GINS1: variants seen among roughly 807,000 people sequenced by gnomAD.
GINS1 encodes the protein GINS complex subunit 1, also known as DNA replication complex GINS protein PSF1.
In GINS1, 26 loss-of-function variants were observed where a neutral mutation model predicts 34.9. The ratio of observed to expected loss-of-function variants is 0.74; its 90% confidence interval spans 0.55 to 1.03. The LOEUF is 1.03. GINS1 is among the 50% of genes least tolerant of loss of function. The probability of loss-of-function intolerance (pLI) is 0.00; values close to 1 mark genes in which losing one functional copy is unlikely to be tolerated. For synonymous variants in GINS1, 97 were observed against 84.4 expected (o/e 1.15, Z -0.82); for missense variants, 235 against 237.9 (o/e 0.99, Z 0.08).
At chr20:25,433,411 G>C (rs2090437995) in intron 5 of GINS1, among the ~76,000 whole-genome samples, 1 of 151,830 alleles carries the variant, frequency 6.6e-6, no homozygotes. Context: ...AAAGTAGTAT[G>C]GTATTTGAAT....
intron 2 of GINS1, among the ~76,000 whole-genome samples, chr20:25,416,445 G>C (rs1568798849): frequency 6.6e-6 from 1 of 152,122 alleles, no homozygotes; most frequent in Non-Finnish European, 1.5e-5. Context: ...ACAGTGCCTG[G>C]CATAGAGGCA....
At chr20:25,426,981 C>CCACG (rs2090394973) in intron 5 of GINS1, among the ~76,000 whole-genome samples, 2 of 152,114 alleles carry the variant, frequency 1.3e-5, no homozygotes, top group East Asian at 3.9e-4. Flanking sequence ...ATATAAATCT[C>CCACG]TTTGAGACTC....
At chr20:25,440,137 A>T (rs2090474634) in intron 5 of GINS1, among the ~76,000 whole-genome samples, 2 of 151,946 alleles carry the variant, frequency 1.3e-5, no homozygotes, top group Admixed American at 6.6e-5. Flanking sequence ...AGTAGCTGGG[A>T]TTACAGGCAC....
In GINS1 at chr20:25,429,230, T is replaced by A. The variant is rs542816406; in HGVS notation, c.447+3903T>A. The stretch of plus-strand genomic sequence containing the variant: ...GTCTCGAACTCCTGACCTCAGGTGA[T>A]CCGCCCACCTCAGCCTCCCAGAGTG... On this transcript the variant is annotated intron_variant, in intron 5 of 6. Coordinates refer to ENST00000262460, the MANE Select transcript of GINS1 (RefSeq NM_021067.5). 4.9e-4 allele frequency among the ~76,000 whole-genome samples: 74 copies of A among 152,258 alleles called. 1 individual carries two copies. The highest frequency in any genetic ancestry group is 1.7e-3 in the African/African-American group (70 of 41,558).
At chr20:25,413,334 C>G (rs2090298704) in intron 1 of GINS1, 1 of 152,714 alleles carries the variant, frequency 6.5e-6, no homozygotes, top group Non-Finnish European at 1.5e-5. Flanking sequence ...CAGGCATGAG[C>G]CACCACCCTT....
chr20:25,413,543 C>A, intron 1 of GINS1: 1 of 451,824 alleles, frequency 2.2e-6, no homozygotes, highest in Non-Finnish European at 3.9e-6. Flanking sequence ...CTGTGTGTAG[C>A]TTTTGAGGAA....
chr20:25,409,986 T>A (rs1271361328), intron 1 of GINS1, among the ~76,000 whole-genome samples: 1 of 152,186 alleles, frequency 6.6e-6, no homozygotes, highest in Non-Finnish European at 1.5e-5. Flanking sequence ...CTCTCTGTTT[T>A]ACTCAAATTT....
At position 25,441,722 on chromosome 20, in the gene GINS1, T is replaced by C. The variant is rs528270299; in HGVS notation, c.468T>C (p.Tyr156=). Residue 156 remains tyrosine, a synonymous_variant, in exon 6 of 7, where the codon TAT becomes TAC. Transcript: ENST00000262460. ...TTCAGGTCCGGTGTCTAAAAGACTA[T>C]GGAGAATTTGAAGTTGATGATGGCA... The part of the protein sequence containing the change: ...LYIEVRCLKD[Y]GEFEVDDGTS... 1.3e-6 allele frequency: 2 copies of C among 1,563,468 alleles called. No homozygotes were observed. Among genetic ancestry groups the C allele is most frequent in the Non-Finnish European group, 1.8e-6 (2 of 1,142,342 alleles).
intron 6 of GINS1, among the ~76,000 whole-genome samples, chr20:25,442,673 T>C (rs986898639): frequency 2.0e-5 from 3 of 150,182 alleles, no homozygotes; most frequent in Non-Finnish European, 4.4e-5. Flanking sequence ...AGTGGCGGGA[T>C]CTCCACTCAT....
At position 25,447,541 on chromosome 20, in the gene GINS1, G is replaced by C. The variant is rs370644328; in HGVS notation, c.*1550G>C. 28 of 152,308 alleles carry C rather than the reference G, an allele frequency of 1.8e-4. No individual in the cohort carries two copies. In the South Asian group the frequency reaches 2.1e-3, roughly 11 times the overall value. 9.4% of individuals were successfully genotyped at this position (152,308 alleles called of 1,614,324 possible). Reference sequence around the variant, plus strand: ...GGACTCTGTTTTGTTCCATTGACCTGTTTTTCTCTCCTGAATGCCAATACC... The same window carrying C: ...GGACTCTGTTTTGTTCCATTGACCTCTTTTTCTCTCCTGAATGCCAATACC... On this transcript the variant is annotated 3_prime_UTR_variant, in exon 7 of 7. Coordinates refer to ENST00000262460, the MANE Select transcript of GINS1 (RefSeq NM_021067.5).
At chr20:25,417,506 C>T (rs1009009706) in intron 3 of GINS1, among the ~76,000 whole-genome samples, 5 of 152,070 alleles carry the variant, frequency 3.3e-5, no homozygotes, top group African/African-American at 1.2e-4. Context: ...AAGTGCATCA[C>T]GGTCTTTCAC....
intron 4 of GINS1, 100 bp downstream of exon 4, chr20:25,418,295 G>A (rs1457473268): frequency 2.5e-6 from 2 of 787,914 alleles, no homozygotes; most frequent in Non-Finnish European, 4.4e-6. Flanking sequence ...TGTGTTTAAT[G>A]TCTGTTTTTC....
intron 2 of GINS1, among the ~76,000 whole-genome samples, chr20:25,415,145 C>T (rs1159605526): frequency 6.6e-6 from 1 of 152,092 alleles, no homozygotes; most frequent in African/African-American, 2.4e-5. Context: ...AGTGTTATGG[C>T]TGGTAAGATT....
intron 1 of GINS1, among the ~76,000 whole-genome samples, chr20:25,410,605 C>G (rs2090278190): frequency 6.6e-6 from 1 of 151,916 alleles, no homozygotes; most frequent in African/African-American, 2.4e-5. Flanking sequence ...TCCTGTGGCC[C>G]AGGCTGGAGT....
intron 4 of GINS1, among the ~76,000 whole-genome samples, chr20:25,423,772 CCTGGCTAATT>C (rs1182082038): frequency 1.3e-5 from 2 of 151,794 alleles, no homozygotes; most frequent in African/African-American, 4.8e-5. Context: ...CGCCACCACG[CCTGGCTAATT>C]TTTTTGTATT....
Position 25,407,778 on chromosome 20 carries a change from G to C in GINS1, c.-43G>C. On this transcript the variant is annotated 5_prime_UTR_variant, in exon 1 of 7. Coordinates refer to ENST00000262460, the MANE Select transcript of GINS1 (RefSeq NM_021067.5). ...GAGCCCAGATACCATTTTGGCGTGA[G>C]AGCTGGTGGTTGGCAAGGCCGCGGG... 1 of 1,498,496 alleles carries C rather than the reference G, an allele frequency of 6.7e-7. No homozygotes were observed. Among genetic ancestry groups the C allele is most frequent in the Non-Finnish European group, 9.3e-7 (1 of 1,075,242 alleles). The allele number at this position is 1,498,496 out of a possible 1,614,324, so 92.8% of individuals were successfully genotyped here.
In GINS1 at chr20:25,407,748, G is replaced by C. The variant is rs1366884081; in HGVS notation, c.-73G>C. 1 of 1,157,164 alleles carries C rather than the reference G, an allele frequency of 8.6e-7. No individual in the cohort carries two copies. The highest frequency in any genetic ancestry group is 2.4e-5 in the East Asian group (1 of 41,536). The allele number at this position is 1,157,164 out of a possible 1,614,324, so 71.7% of individuals were successfully genotyped here. ...AGGACTAGAACGAAAGGAGTGAGGCGCCGAGAGCCCAGATACCATTTTGGC... is the reference window on the plus strand; with the variant it reads ...AGGACTAGAACGAAAGGAGTGAGGCCCCGAGAGCCCAGATACCATTTTGGC... On this transcript the variant is annotated 5_prime_UTR_variant, in exon 1 of 7. Coordinates refer to ENST00000262460, the MANE Select transcript of GINS1 (RefSeq NM_021067.5).
At chr20:25,433,351 C>T (rs1326188112) in intron 5 of GINS1, among the ~76,000 whole-genome samples, 1 of 152,032 alleles carries the variant, frequency 6.6e-6, no homozygotes, top group Non-Finnish European at 1.5e-5. Flanking sequence ...CTCATTTCCT[C>T]ATTACCCCCC....
chr20:25,418,929 T>C (rs1255250502), intron 4 of GINS1, among the ~76,000 whole-genome samples: 1 of 152,218 alleles, frequency 6.6e-6, no homozygotes, highest in African/African-American at 2.4e-5. Flanking sequence ...GGTTGGTCTT[T>C]CTGGGGTAGC....
Sources: gnomAD v4.1 joint callset for allele counts (sites outside exome capture counted in the v4.1 genomes callset) on GRCh38, gnomAD v4.1.1 for gene constraint, MANE v1.5 for transcripts, NCBI Gene and HGNC (gene_info 2026-07-23, HGNC 2026-07-21) for gene names.